COL24A1: variants seen among roughly 807,000 people sequenced by gnomAD.
The protein encoded by COL24A1 is collagen type XXIV alpha 1 chain.
A neutral mutation model predicts 253.9 loss-of-function variants in COL24A1; 224 were observed. The ratio of observed to expected loss-of-function variants is 0.88; its 90% CI spans 0.79 to 0.99. The LOEUF (loss-of-function observed/expected upper bound fraction) is 0.99, where lower values mean the gene tolerates loss of function less well. Among genes scored for constraint, COL24A1 ranks in the 50% least tolerant of loss-of-function variants. The pLI is 0.00. For missense variants in COL24A1, 2,131 were observed against 2,068.5 expected, an observed-to-expected ratio of 1.03 and a Z score of -0.59; for synonymous variants, 685 against 673.7, an observed-to-expected ratio of 1.02 and a Z score of -0.26.
chr1:85,874,285 A>T (rs960659462), intron 35 of COL24A1, among the ~76,000 whole-genome samples: 2 of 152,152 alleles, frequency 1.3e-5, no homozygotes, highest in Non-Finnish European at 2.9e-5. Flanking sequence ...TTAAATCTAT[A>T]AATTAGATTT....
intron 2 of COL24A1, among the ~76,000 whole-genome samples, chr1:86,135,949 G>C (rs559288741): frequency 2.6e-5 from 4 of 152,024 alleles, no homozygotes; most frequent in African/African-American, 7.2e-5. Flanking sequence ...AGAAGAAGAG[G>C]ATGGGCTGTG....
At chr1:85,847,578 C>A in intron 39 of COL24A1, 87 bp downstream of exon 39, 2 of 881,662 alleles carry the variant, frequency 2.3e-6, no homozygotes, top group Admixed American at 2.0e-5. Flanking sequence ...GTCTGTAAAG[C>A]TAATCAAGGG....
At chr1:85,972,921 G>A (rs1692317205) in intron 20 of COL24A1, among the ~76,000 whole-genome samples, 1 of 152,110 alleles carries the variant, frequency 6.6e-6, no homozygotes, top group Non-Finnish European at 1.5e-5. Context: ...GGAGTGACTG[G>A]GCTCTTCTGA....
At chr1:85,745,560 TA>T in intron 55 of COL24A1, 54 bp from the exon 56 acceptor site, 1 of 1,307,800 alleles carries the variant, frequency 7.6e-7, no homozygotes. Flanking sequence ...CTGAGTGCCC[TA>T]AAGTAAAGGC....
chr1:85,908,120 A>G lies in COL24A1; in HGVS notation c.2724+478T>C, dbSNP rs1230340154. Among the ~76,000 whole-genome samples, 5 of 151,702 alleles carry G rather than the reference A, an allele frequency of 3.3e-5. No individual in the cohort carries two copies. The East Asian group carries it at 9.6e-4, about 29-fold the overall frequency. Reference sequence around the variant, plus strand: ...TCATAATAGCTGTCAGATTCTGATAAGCAAAATTAATTTAGGGGAAACACT... The same window carrying G: ...TCATAATAGCTGTCAGATTCTGATAGGCAAAATTAATTTAGGGGAAACACT... On this transcript the variant is annotated intron_variant, in intron 27 of 59. Coordinates refer to ENST00000370571, the MANE Select transcript of COL24A1 (RefSeq NM_152890.7).
chr1:85,997,461 C>A (rs746829888), intron 19 of COL24A1, among the ~76,000 whole-genome samples: 2 of 152,078 alleles, frequency 1.3e-5, no homozygotes, highest in Admixed American at 6.5e-5. Context: ...TACAGTATTC[C>A]TATTCCATTG....
chr1:86,009,930 G>A (rs538256), intron 19 of COL24A1, among the ~76,000 whole-genome samples: 1 of 151,884 alleles, frequency 6.6e-6, no homozygotes, highest in South Asian at 2.1e-4. Flanking sequence ...TATGATATAG[G>A]TAGCATAGTT....
At chr1:85,830,788 C>T (rs1675147945) in intron 43 of COL24A1, among the ~76,000 whole-genome samples, 1 of 152,154 alleles carries the variant, frequency 6.6e-6, no homozygotes. Flanking sequence ...GGCTCGCGCA[C>T]AGTGCGTGCA....
chr1:85,841,330 C>T, intron 41 of COL24A1, 52 bp from the exon 42 acceptor site: 2 of 1,203,856 alleles, frequency 1.7e-6, no homozygotes, highest in Non-Finnish European at 2.4e-6. Context: ...AAATAAACAT[C>T]AAAAACACAC....
intron 46 of COL24A1, among the ~76,000 whole-genome samples, chr1:85,817,563 A>T (rs1193059459): frequency 6.6e-6 from 1 of 152,116 alleles, no homozygotes; most frequent in Admixed American, 6.5e-5. Flanking sequence ...TGGCCAGGAG[A>T]GGAAACTGAT....
At position 85,847,666 on chromosome 1, in the gene COL24A1, A is replaced by T. The variant is rs201907029; in HGVS notation, c.3461T>A (p.Val1154Glu). Residue 1154 changes from valine to glutamate, a missense_variant and splice_region_variant, in exon 39 of 60, where the codon GTG becomes GAG. Val to Glu is a moderately radical substitution (Grantham distance 121, BLOSUM62 -2). Transcript: ENST00000370571. ...TCTGGAAGCAAGTCAAATACTGACC[A>T]CAGCACCTCTAGTTCCTCTGGCACC... ...PKGARGTRGA[V>E]GHLGLMGPDG... The T allele has an allele frequency of 5.6e-6, 9 of 1,611,882 alleles. No homozygotes were observed. Among genetic ancestry groups the T allele is most frequent in the Non-Finnish European group, 7.6e-6 (9 of 1,178,388 alleles).
chr1:86,017,949 T>C (rs10518362), intron 18 of COL24A1, among the ~76,000 whole-genome samples: 13,197 of 152,182 alleles, frequency 0.087, 700 homozygotes, highest in Middle Eastern at 0.19. Flanking sequence ...AGCTAGTTTC[T>C]GACATTCATG....
chr1:85,849,949 G>C (rs935041675), intron 37 of COL24A1, among the ~76,000 whole-genome samples: 1 of 152,048 alleles, frequency 6.6e-6, no homozygotes, highest in African/African-American at 2.4e-5. Flanking sequence ...TGTCTAGTAC[G>C]TGGTCAAAGA....
At chr1:85,947,329 G>C (rs1410043068) in intron 24 of COL24A1, among the ~76,000 whole-genome samples, 1 of 152,036 alleles carries the variant, frequency 6.6e-6, no homozygotes, top group Non-Finnish European at 1.5e-5. Context: ...AGGAAACAAA[G>C]GTGAACCCCC....
rs554419411 is a variant in COL24A1, at chr1:86,003,311, G to A, written c.2310+13840C>T. ...GCTGCCAAGACATAAATTCAGATGG[G>A]CACTAGCAGCAATCCATTATACTGG... On this transcript the variant is annotated intron_variant, in intron 19 of 59. Transcript: ENST00000370571. 1.9e-3 allele frequency among the ~76,000 whole-genome samples: 286 copies of A among 152,228 alleles called. 2 individuals are homozygous for A. The highest frequency in any genetic ancestry group is 6.6e-3 in the African/African-American group (276 of 41,554).
intron 19 of COL24A1, among the ~76,000 whole-genome samples, chr1:86,008,691 G>T (rs1484655812): frequency 6.6e-6 from 1 of 151,834 alleles, no homozygotes; most frequent in African/African-American, 2.4e-5. Flanking sequence ...TGGGAAAGAA[G>T]AACTAAAATG....
intron 37 of COL24A1, among the ~76,000 whole-genome samples, chr1:85,861,624 C>T (rs1454856730): frequency 5.3e-5 from 8 of 152,124 alleles, no homozygotes; most frequent in Admixed American, 5.2e-4. Context: ...CCAGTTGTTC[C>T]AGCACTATTT....
Position 85,831,964 on chromosome 1 carries a change from A to C in COL24A1, c.3681+6621T>G, listed in dbSNP as rs567696957. Among the ~76,000 whole-genome samples, 743 of 152,046 alleles carry C rather than the reference A, an allele frequency of 4.9e-3. 8 individuals are homozygous for C. The highest frequency in any genetic ancestry group is 0.013 in the South Asian group (62 of 4,822). ...CATTTGTCAATTTTTGCTTTTGTTG[A>C]CATTGCTTTTGGTGTTTTAGACATG... On this transcript the variant is annotated intron_variant, in intron 43 of 59. Transcript: ENST00000370571.
At chr1:85,986,599 G>A (rs913234959) in intron 20 of COL24A1, among the ~76,000 whole-genome samples, 1 of 151,832 alleles carries the variant, frequency 6.6e-6, no homozygotes, top group African/African-American at 2.4e-5. Flanking sequence ...GTGACTTCAA[G>A]TGAATAACTT....
Sources: gnomAD v4.1 joint callset for allele counts (sites outside exome capture counted in the v4.1 genomes callset) on GRCh38, gnomAD v4.1.1 for gene constraint, MANE v1.5 for transcripts, NCBI Gene and HGNC (gene_info 2026-07-23, HGNC 2026-07-21) for gene names.